SEMA3A: variants seen among roughly 807,000 people sequenced by gnomAD.
SEMA3A encodes semaphorin 3A, also known as semaphorin-3A.
A neutral mutation model predicts 97.9 loss-of-function variants in SEMA3A; 29 were observed. The observed-to-expected ratio is 0.30, with a 90% CI of 0.22 to 0.40. SEMA3A has a LOEUF of 0.40. Ranked by LOEUF, SEMA3A falls within the 10% of genes least tolerant of loss-of-function variation. The pLI is 1.00. For synonymous variants in SEMA3A, 321 were observed against 323.7 expected (o/e 0.99, Z 0.09); for missense variants, 763 against 951.3 (o/e 0.80, Z 2.60).
intron 1 of SEMA3A, among the ~76,000 whole-genome samples, chr7:84,487,883 G>GA (rs1806616365): frequency 6.6e-6 from 1 of 152,014 alleles, no homozygotes; most frequent in Non-Finnish European, 1.5e-5. Flanking sequence ...GGAAAAATGA[G>GA]AATTAAAGGA....
At chr7:84,369,512 G>T (rs1802926137) in intron 2 of SEMA3A, among the ~76,000 whole-genome samples, 1 of 151,098 alleles carries the variant, frequency 6.6e-6, no homozygotes, top group Admixed American at 6.6e-5. Flanking sequence ...TACGAAAGAA[G>T]AATCTAGTCT....
At chr7:84,103,825 A>AGGTG (rs1266915236) in intron 4 of SEMA3A, among the ~76,000 whole-genome samples, 47 of 152,150 alleles carry the variant, frequency 3.1e-4, no homozygotes, top group Non-Finnish European at 6.0e-4. Flanking sequence ...AAAAAGTACC[A>AGGTG]AACAGGTGAA....
At chr7:84,445,270 T>C (rs182716913) in intron 1 of SEMA3A, among the ~76,000 whole-genome samples, 141 of 150,970 alleles carry the variant, frequency 9.3e-4, no homozygotes, top group African/African-American at 3.2e-3. Flanking sequence ...GGCGGGCGGA[T>C]CACGAGTTCA....
chr7:84,347,410 CTT>C (rs549082504), intron 2 of SEMA3A, among the ~76,000 whole-genome samples: 38 of 136,476 alleles, frequency 2.8e-4, no homozygotes, highest in African/African-American at 5.9e-4. Flanking sequence ...TTCTTCAAAC[CTT>C]TTTTTTTTTT....
chr7:84,360,055 G>A (rs1017496186), intron 2 of SEMA3A, among the ~76,000 whole-genome samples: 2 of 151,066 alleles, frequency 1.3e-5, no homozygotes, highest in Admixed American at 1.3e-4. Context: ...CTTGCTAGTG[G>A]TCTATCAATT....
intron 2 of SEMA3A, among the ~76,000 whole-genome samples, chr7:84,131,946 T>G (rs945804727): frequency 6.6e-6 from 1 of 152,146 alleles, no homozygotes. Context: ...TGTGCCACCA[T>G]GCCCAGCTTA....
intron 6 of SEMA3A, 112 bp downstream of exon 6, chr7:84,046,212 C>T: frequency 7.9e-7 from 1 of 1,271,456 alleles, no homozygotes; most frequent in Non-Finnish European, 1.1e-6. Flanking sequence ...CCACCATTAG[C>T]TTAACTGCAC....
chr7:84,125,374 T>C (rs1002682118), intron 3 of SEMA3A, among the ~76,000 whole-genome samples: 3 of 152,238 alleles, frequency 2.0e-5, no homozygotes, highest in African/African-American at 7.2e-5. Context: ...TCCTTTTAAT[T>C]AAGTTCCATA....
intron 6 of SEMA3A, among the ~76,000 whole-genome samples, chr7:84,016,176 A>C (rs2116426540): frequency 6.6e-6 from 1 of 152,170 alleles, no homozygotes; most frequent in Non-Finnish European, 1.5e-5. Context: ...CAAACTAAAG[A>C]ATTACTATCA....
At chr7:84,137,153 C>T (rs1482161863) in intron 1 of SEMA3A, among the ~76,000 whole-genome samples, 1 of 152,066 alleles carries the variant, frequency 6.6e-6, no homozygotes, top group East Asian at 1.9e-4. Flanking sequence ...GTAATCTCAG[C>T]ACTTTGGTAG....
chr7:84,230,465 CA>C (rs1326736140), intron 3 of SEMA3A, among the ~76,000 whole-genome samples: 1 of 151,950 alleles, frequency 6.6e-6, no homozygotes, highest in Non-Finnish European at 1.5e-5. Flanking sequence ...GGGACAAGTT[CA>C]ATTTAATATT....
At chr7:83,965,652 AT>A (rs1788652733) in intron 15 of SEMA3A, among the ~76,000 whole-genome samples, 1 of 10,630 alleles carries the variant, frequency 9.4e-5, no homozygotes, top group African/African-American at 3.4e-4. Context: ...ATATATATAT[AT>A]ATATATATAT....
chr7:84,425,611 T>G, intron 1 of SEMA3A, among the ~76,000 whole-genome samples: 1 of 147,066 alleles, frequency 6.8e-6, no homozygotes, highest in East Asian at 2.0e-4. Context: ...GATATAAATA[T>G]TAACATATAT....
chr7:84,115,329 A>G (rs948531447), intron 3 of SEMA3A, among the ~76,000 whole-genome samples: 1 of 152,070 alleles, frequency 6.6e-6, no homozygotes, highest in Non-Finnish European at 1.5e-5. Context: ...TAAGTGCCCA[A>G]TTTGACTGCT....
At chr7:84,237,069 C>G (rs1005174198) in intron 3 of SEMA3A, among the ~76,000 whole-genome samples, 1 of 151,898 alleles carries the variant, frequency 6.6e-6, no homozygotes, top group Non-Finnish European at 1.5e-5. Flanking sequence ...ATAAATAAAT[C>G]GGGAAAAGCA....
intron 3 of SEMA3A, among the ~76,000 whole-genome samples, chr7:84,218,002 A>G (rs940098204): frequency 2.9e-5 from 4 of 138,648 alleles, no homozygotes; most frequent in South Asian, 2.5e-4. Context: ...TCTGGTTAGG[A>G]AAAAAAAAAA....
chr7:84,058,240 T>G lies in SEMA3A; in HGVS notation c.547+2225A>C, dbSNP rs141005810. Among the ~76,000 whole-genome samples, 731 of 152,298 alleles carry G rather than the reference T, an allele frequency of 4.8e-3. 6 individuals are homozygous for G. Among genetic ancestry groups the G allele is most frequent in the African/African-American group, 0.016 (682 of 41,570 alleles). The stretch of plus-strand genomic sequence containing the variant: ...ATCTTATTTGTACCAATGAGGAAGG[T>G]GTATCCAAAAGCTTTTGGGAACATA... On this transcript the variant is annotated intron_variant, in intron 5 of 16. Coordinates refer to ENST00000265362, the MANE Select transcript of SEMA3A (RefSeq NM_006080.3).
At chr7:84,087,730 T>C (rs920888290) in intron 4 of SEMA3A, among the ~76,000 whole-genome samples, 11 of 152,186 alleles carry the variant, frequency 7.2e-5, no homozygotes, top group African/African-American at 2.4e-4. Context: ...TATTGTTATA[T>C]TGGCATTGTT....
chr7:84,404,557 C>T (rs947569280), intron 1 of SEMA3A, among the ~76,000 whole-genome samples: 5 of 152,104 alleles, frequency 3.3e-5, no homozygotes, highest in African/African-American at 1.2e-4. Flanking sequence ...CACAGAGATA[C>T]TCCTCGAGAA....
Sources: gnomAD v4.1 joint callset for allele counts (sites outside exome capture counted in the v4.1 genomes callset) on GRCh38, gnomAD v4.1.1 for gene constraint, MANE v1.5 for transcripts, NCBI Gene and HGNC (gene_info 2026-07-23, HGNC 2026-07-21) for gene names.